The following MATN3 variants were observed in gnomAD, a reference collection of about 807,000 sequenced individuals.
MATN3 encodes matrilin 3.
MATN3 carries 48 observed loss-of-function variants against 45.3 expected under a neutral mutation model. The ratio of observed to expected loss-of-function variants is 1.06; its 90% CI spans 0.84 to 1.35. The LOEUF is 1.35. Among genes scored for constraint, MATN3 ranks in the 40% most tolerant of loss-of-function variants. MATN3 has a pLI of 0.00. For synonymous variants in MATN3, 217 were observed against 245.9 expected (o/e 0.88, Z 1.10); for missense variants, 599 against 628.0 (o/e 0.95, Z 0.49).
chr2:19,997,165 G>A lies in MATN3; in HGVS notation c.1263C>T (p.Tyr421=). 6.2e-7 allele frequency: 1 copy of A among 1,613,956 alleles called. No homozygotes were observed. Among genetic ancestry groups the A allele is most frequent in the South Asian group, 1.1e-5 (1 of 91,086 alleles). Residue 421 remains tyrosine (Y), a synonymous_variant, in exon 6 of 8, where the codon TAC becomes TAT. Transcript: ENST00000407540. ...ASYHCDCYPG[Y]TLNEDKKTCS... is the part of the protein sequence containing the mutation. ...ATGTTTTCTTGTCCTCATTTAAGGTGTAGCCAGGATAGCAATCACAGTGGT... is the reference window on the plus strand; with the variant it reads ...ATGTTTTCTTGTCCTCATTTAAGGTATAGCCAGGATAGCAATCACAGTGGT...
intron 1 of MATN3, among the ~76,000 whole-genome samples, chr2:20,008,566 C>T (rs1410290463): frequency 2.6e-5 from 4 of 152,130 alleles, no homozygotes; most frequent in Admixed American, 6.5e-5. Context: ...TAGCCTGCTG[C>T]TTGGAGGTAT....
At chr2:19,999,874 G>A (rs999680014) in intron 5 of MATN3, among the ~76,000 whole-genome samples, 4 of 152,146 alleles carry the variant, frequency 2.6e-5, no homozygotes, top group Admixed American at 6.5e-5. Flanking sequence ...TAACAGCACT[G>A]GCCTGGGCTC....
chr2:20,002,159 T>TACACACACACACAC (rs534707164), intron 3 of MATN3, 79 bp from the exon 4 acceptor site: 43 of 723,430 alleles, frequency 5.9e-5, no homozygotes, highest in Middle Eastern at 4.2e-4. Flanking sequence ...CACTTACAGT[T>TACACACACACACAC]ATACACACAC....
intron 4 of MATN3, 103 bp from the exon 5 acceptor site, chr2:20,000,669 T>C: frequency 1.7e-6 from 2 of 1,164,480 alleles, no homozygotes; most frequent in Admixed American, 6.2e-5. Flanking sequence ...GAGGAAAACT[T>C]ACTGGAAACT....
In MATN3 at chr2:19,994,321, A is replaced by T; in HGVS notation, c.1383T>A (p.Tyr461Ter). 1.2e-6 allele frequency: 2 copies of T among 1,613,060 alleles called. No homozygotes were observed. Among genetic ancestry groups the T allele is most frequent in the Non-Finnish European group, 1.7e-6 (2 of 1,179,210 alleles). Residue 461 changes from tyrosine (Y) to a stop codon, truncating the protein, a stop_gained, in exon 7 of 8, where the codon TAT (tyrosine) becomes TAA (stop). Transcript: ENST00000407540. LOFTEE classifies it high-confidence loss of function. Reference protein sequence around the residue: ...TLAFQDKVSSYLQRLNTKLDD... With the variant: ...TLAFQDKVSS ...TATGTTTAGTGTTCAGTCTTTGAAG[A>T]TACGAGCTGACCTTGTCCTGGAATG...
At position 20,012,597 on chromosome 2, in the gene MATN3, C is replaced by A; in HGVS notation, c.35G>T (p.Gly12Val). The A allele has an allele frequency of 8.2e-7, 1 of 1,222,684 alleles. No homozygotes were observed. 75.7% of individuals were successfully genotyped at this position (1,222,684 alleles called of 1,614,324 possible). Residue 12 changes from glycine to valine, a missense_variant, in exon 1 of 8, where the codon GGA (glycine) becomes GTA (valine). Coordinates refer to ENST00000407540, the MANE Select transcript of MATN3 (RefSeq NM_002381.5). This position sits in a 1 kb window ranked among gnomAD's most constrained non-coding sequence, Gnocchi z 4.3. ...PRPAPARRLP[G>V]LLLLLWPLLL... ...CAGCGGCCAGAGCAGCAGGAGGAGT[C>A]CCGGGAGGCGGCGCGCGGGGGCCGG...
In MATN3 at chr2:19,994,335, T is replaced by C; in HGVS notation, c.1369A>G (p.Lys457Glu). The part of the protein sequence containing the change: ...GCEATLAFQD[K>E]VSSYLQRLNT... ...AGTCTTTGAAGATACGAGCTGACCTTGTCCTGGAATGCCAGTGTAGCTTCA... is the reference window on the plus strand; with the variant it reads ...AGTCTTTGAAGATACGAGCTGACCTCGTCCTGGAATGCCAGTGTAGCTTCA... Residue 457 changes from lysine (K) to glutamate (E), a missense_variant, in exon 7 of 8, where the codon AAG becomes GAG. Transcript: ENST00000407540. 1 of 1,613,672 alleles carries C rather than the reference T, an allele frequency of 6.2e-7. No individual in the cohort carries two copies. Among genetic ancestry groups the C allele is most frequent in the Non-Finnish European group, 8.5e-7 (1 of 1,179,702 alleles).
chr2:20,009,177 A>G (rs1275785957), intron 1 of MATN3, among the ~76,000 whole-genome samples: 2 of 151,340 alleles, frequency 1.3e-5, no homozygotes, highest in Non-Finnish European at 2.9e-5. Context: ...GTGAGCCACA[A>G]TCACACCACT....
rs1422414048 is a variant in MATN3 at position 19,992,839 on chromosome 2, C to T, written c.*272G>A. On this transcript the variant is annotated 3_prime_UTR_variant, in exon 8 of 8. Transcript: ENST00000407540. ...AATTAGTAGATAAAGAAACACTAAACTTTTCATTCTATTTCCTACCAATCA... is the reference window on the plus strand; with the variant it reads ...AATTAGTAGATAAAGAAACACTAAATTTTTCATTCTATTTCCTACCAATCA... 1.6e-5 allele frequency: 6 copies of T among 380,162 alleles called. No homozygotes were observed. Among genetic ancestry groups the T allele is most frequent in the Non-Finnish European group, 2.3e-5 (5 of 214,358 alleles). 23.5% of individuals were successfully genotyped at this position (380,162 alleles called of 1,614,324 possible). A position where few individuals can be genotyped will look rare whatever the true frequency, so the allele number is the denominator to read the frequency against.
chr2:20,008,629 G>C (rs1673159251), intron 1 of MATN3, among the ~76,000 whole-genome samples: 1 of 152,060 alleles, frequency 6.6e-6, no homozygotes, highest in Non-Finnish European at 1.5e-5. Flanking sequence ...GAATCGCAAG[G>C]TACCAACACA....
chr2:20,001,348 C>T (rs930358507), intron 4 of MATN3, among the ~76,000 whole-genome samples: 3 of 152,204 alleles, frequency 2.0e-5, no homozygotes, highest in Non-Finnish European at 4.4e-5. Flanking sequence ...CATCTCCGTC[C>T]TCTCCAACCT....
At chr2:20,003,450 G>A (rs554596788) in intron 2 of MATN3, among the ~76,000 whole-genome samples, 164 bp from the exon 3 acceptor site, 112 of 152,286 alleles carry the variant, frequency 7.4e-4, no homozygotes, top group African/African-American at 2.6e-3. Flanking sequence ...TATTAGCAAT[G>A]CTACTCTTAA....
In MATN3 at chr2:19,995,154, C is replaced by T. The variant is rs957813356; in HGVS notation, c.1295-745G>A. 7.9e-5 allele frequency among the ~76,000 whole-genome samples: 12 copies of T among 151,894 alleles called. No homozygotes were observed. The East Asian group carries it at 1.6e-3, about 20-fold the overall frequency. On this transcript the variant is annotated intron_variant, in intron 6 of 7. Transcript: ENST00000407540. The surrounding 1 kb of genome is among the most constrained non-coding windows in gnomAD (Gnocchi z 4.2). ...CCTCTATTTGTATGGCTAAAATATA[C>T]CAAAGATGAAAACTAGGGCCAGGCG...
At chr2:20,005,604 G>A (rs570227171) in intron 2 of MATN3, 140 bp downstream of exon 2, 60 of 711,092 alleles carry the variant, frequency 8.4e-5, no homozygotes, top group African/African-American at 5.9e-4. Flanking sequence ...GCATGCACAC[G>A]TGCACACACA....
chr2:20,006,411 C>A, intron 1 of MATN3, 101 bp from the exon 2 acceptor site: 1 of 873,078 alleles, frequency 1.1e-6, no homozygotes, highest in South Asian at 1.8e-5. Flanking sequence ...GGCAGCATCT[C>A]CTGACCCCAA....
chr2:20,008,787 C>T (rs1182179464), intron 1 of MATN3, among the ~76,000 whole-genome samples: 1 of 152,094 alleles, frequency 6.6e-6, no homozygotes, highest in Non-Finnish European at 1.5e-5. Context: ...TGGGAGCTTG[C>T]TACTGAATCC....
At chr2:20,001,176 C>T (rs1267621325) in intron 4 of MATN3, among the ~76,000 whole-genome samples, 1 of 152,172 alleles carries the variant, frequency 6.6e-6, no homozygotes, top group Admixed American at 6.5e-5. Flanking sequence ...CACCCTGTTT[C>T]CCCAAACAGT....
intron 7 of MATN3, 127 bp from the exon 8 acceptor site, chr2:19,993,293 T>C (rs1190570565): frequency 2.6e-6 from 2 of 770,730 alleles, no homozygotes; most frequent in Non-Finnish European, 4.2e-6. Flanking sequence ...CAAAACTGTT[T>C]TCTCACCAAA....
rs1316939760 is a variant in MATN3, at chr2:20,009,256, ATTCT to A, written c.224-2950_224-2947del. Reference sequence around the variant, plus strand: ...CCAAAAAAAAAAAAAAGGAATCAAAATTCTTTCTTTCTTTAAAAAAAAAAAAAAC... The same window carrying A: ...CCAAAAAAAAAAAAAAGGAATCAAAATTCTTTCTTTAAAAAAAAAAAAAAC... On this transcript the variant is annotated intron_variant, in intron 1 of 7. Transcript: ENST00000407540. 3.5e-5 allele frequency among the ~76,000 whole-genome samples: 5 copies of A among 141,302 alleles called. No homozygotes were observed. In the East Asian group the frequency reaches 1.1e-3, roughly 32 times the overall value. The allele number at this position is 141,302 out of a possible 152,430, so 92.7% of individuals were successfully genotyped here. A position where few individuals can be genotyped will look rare whatever the true frequency, so the allele number is the denominator to read the frequency against.
Sources: allele counts gnomAD v4.1 joint callset (sites outside exome capture counted in the v4.1 genomes callset), GRCh38; gene constraint gnomAD v4.1.1; non-coding constraint Gnocchi (gnomAD v3.1); transcripts MANE v1.5; gene names NCBI Gene and HGNC (gene_info 2026-07-23, HGNC 2026-07-21).